The following FBXO34 variants were observed in gnomAD, a reference collection of about 807,000 sequenced individuals.
FBXO34 encodes F-box only protein 34.
FBXO34 carries 12 observed loss-of-function variants against 24.5 expected under a neutral mutation model. The ratio of observed to expected loss-of-function variants is 0.49; its 90% confidence interval spans 0.31 to 0.79. FBXO34 has a LOEUF of 0.79. FBXO34 is among the 30% of genes least tolerant of loss of function. The probability of loss-of-function intolerance (pLI) is 0.04; values close to 1 mark genes in which losing one functional copy is unlikely to be tolerated. For missense variants in FBXO34, 823 were observed against 857.7 expected (o/e 0.96, Z 0.51); for synonymous variants, 320 against 311.9 (o/e 1.03, Z -0.27).
At chr14:55,313,939 G>A (rs2140006840) in intron 1 of FBXO34, among the ~76,000 whole-genome samples, 1 of 152,262 alleles carries the variant, frequency 6.6e-6, no homozygotes, top group Middle Eastern at 3.4e-3. Flanking sequence ...GTCTTGCTCT[G>A]GCATGCAGGC....
the FBXO34 span, chr14:55,377,830 T>C: frequency 6.3e-7 from 1 of 1,584,402 alleles, no homozygotes; most frequent in Non-Finnish European, 8.5e-7. Context: ...TGCCTAGGTG[T>C]TCAGAGCTTG....
At chr14:55,397,103 G>A in the FBXO34 span, among the ~76,000 whole-genome samples, 5 of 152,130 alleles carry the variant, frequency 3.3e-5, no homozygotes, top group Non-Finnish European at 5.9e-5. Flanking sequence ...GACTGTCCTG[G>A]ACCCACACAT....
chr14:55,411,795 G>C, the FBXO34 span: 5 of 1,599,736 alleles, frequency 3.1e-6, no homozygotes, highest in Non-Finnish European at 4.3e-6. Context: ...TCCAGCGCCC[G>C]GGCTCCCTTC....
the FBXO34 span, among the ~76,000 whole-genome samples, chr14:55,402,968 T>TATATATATATAA: frequency 6.6e-5 from 4 of 60,984 alleles, no homozygotes; most frequent in African/African-American, 1.1e-4. Context: ...TATATATATA[T>TATATATATATAA]AAATAGCTGG....
chr14:55,296,561 AT>A (rs1192133155), intron 1 of FBXO34, among the ~76,000 whole-genome samples: 2 of 150,728 alleles, frequency 1.3e-5, no homozygotes, highest in African/African-American at 4.9e-5. Context: ...CACCCGGCTA[AT>A]TTTTTTTGTA....
intron 1 of FBXO34, among the ~76,000 whole-genome samples, chr14:55,321,307 C>T (rs529112023): frequency 6.6e-6 from 1 of 152,224 alleles, no homozygotes; most frequent in South Asian, 2.1e-4. Flanking sequence ...ACATCCCACA[C>T]CCCCCACCTG....
At chr14:55,386,555 AGAG>A in the FBXO34 span, among the ~76,000 whole-genome samples, 3 of 152,356 alleles carry the variant, frequency 2.0e-5, no homozygotes, top group Middle Eastern at 3.4e-3. Context: ...GTCATCCAGT[AGAG>A]GAGAAGGGCA....
chr14:55,300,179 A>G (rs1882299892), intron 1 of FBXO34, among the ~76,000 whole-genome samples: 1 of 152,206 alleles, frequency 6.6e-6, no homozygotes. Flanking sequence ...ATCCATATAA[A>G]GTCTCTACCT....
chr14:55,373,665 G>A (rs2140120769), downstream of FBXO34, among the ~76,000 whole-genome samples: 1 of 152,092 alleles, frequency 6.6e-6, no homozygotes, highest in Non-Finnish European at 1.5e-5. Context: ...TCCCATGTTG[G>A]CCGGGCTGGT....
At chr14:55,273,429 G>C (rs866760369) in intron 1 of FBXO34, among the ~76,000 whole-genome samples, 1 of 152,150 alleles carries the variant, frequency 6.6e-6, no homozygotes, top group Non-Finnish European at 1.5e-5. Context: ...CATTGTGTGC[G>C]CTACTGAAAG....
chr14:55,376,253 C>G, the FBXO34 span, among the ~76,000 whole-genome samples: 3 of 152,128 alleles, frequency 2.0e-5, no homozygotes, highest in Non-Finnish European at 2.9e-5. Flanking sequence ...AGTGGTTGGC[C>G]TTGTGTCAAT....
At chr14:55,395,649 AGTGT>A in the FBXO34 span, among the ~76,000 whole-genome samples, 2 of 152,196 alleles carry the variant, frequency 1.3e-5, no homozygotes, top group East Asian at 1.9e-4. Flanking sequence ...ATCCATTTGG[AGTGT>A]GTATGATAAA....
chr14:55,286,884 G>A (rs574038641), intron 1 of FBXO34, among the ~76,000 whole-genome samples: 1 of 151,158 alleles, frequency 6.6e-6, no homozygotes, highest in East Asian at 1.9e-4. Context: ...TTGAAACACG[G>A]AATTCATTTA....
chr14:55,408,223 C>T, the FBXO34 span, among the ~76,000 whole-genome samples: 3 of 152,084 alleles, frequency 2.0e-5, no homozygotes, highest in African/African-American at 7.2e-5. Flanking sequence ...GAGGCTGAGG[C>T]TGGTGGATGG....
chr14:55,411,942 G>C, the FBXO34 span: 13 of 894,340 alleles, frequency 1.5e-5, no homozygotes, highest in East Asian at 3.5e-4. Context: ...GGACCCCTCC[G>C]CCGCCGCGTG....
intron 1 of FBXO34, among the ~76,000 whole-genome samples, chr14:55,296,678 G>C (rs1269494958): frequency 3.3e-5 from 5 of 152,070 alleles, no homozygotes; most frequent in Non-Finnish European, 7.4e-5. Flanking sequence ...ATACAGGCAT[G>C]AGCCACTGCG....
At chr14:55,387,761 C>T in the FBXO34 span, among the ~76,000 whole-genome samples, 27 of 152,098 alleles carry the variant, frequency 1.8e-4, no homozygotes, top group African/African-American at 5.5e-4. Flanking sequence ...CTCCGCCTCC[C>T]GGGTTCAATT....
At position 55,350,818 on chromosome 14, in the gene FBXO34, T is replaced by C. The variant is rs201154819; in HGVS notation, c.428T>C (p.Ile143Thr). 1.9e-6 allele frequency: 3 copies of C among 1,610,820 alleles called. No homozygotes were observed. The highest frequency in any genetic ancestry group is 1.1e-5 in the South Asian group (1 of 90,376). The change falls in exon 2 of 2, where the codon ATT (isoleucine) becomes ACT (threonine). Residue 143 changes from isoleucine (I) to threonine (T), a missense_variant. Ile to Thr is a moderately conservative substitution (Grantham distance 89). This residue lies in a region of FBXO34 where 693 missense variants were observed against 659.1 expected (regional missense o/e 1.05). Coordinates refer to ENST00000313833, the MANE Select transcript of FBXO34 (RefSeq NM_017943.4). ...ATGAAAATAAAAAGTTCCTGGGATATTGATGGGAGAGCTACTAAGAGAAGG... is the reference window on the plus strand; with the variant it reads ...ATGAAAATAAAAAGTTCCTGGGATACTGATGGGAGAGCTACTAAGAGAAGG... ...GSMKIKSSWD[I>T]DGRATKRRKK...
At chr14:55,311,249 G>A (rs68138420) in intron 1 of FBXO34, among the ~76,000 whole-genome samples, 11 of 151,936 alleles carry the variant, frequency 7.2e-5, no homozygotes, top group African/African-American at 1.9e-4. Flanking sequence ...ATCAGATCTC[G>A]TGATAATTCA....
Sources: allele counts gnomAD v4.1 joint callset (sites outside exome capture counted in the v4.1 genomes callset), GRCh38; gene constraint gnomAD v4.1.1; regional missense constraint gnomAD v4.1.1; transcripts MANE v1.5; gene names NCBI Gene and HGNC (gene_info 2026-07-23, HGNC 2026-07-21).